Variants in ASNS observed in about 807,000 individuals in gnomAD.
The protein encoded by ASNS is asparagine synthetase [glutamine-hydrolyzing].
ASNS carries 37 observed loss-of-function variants against 62.6 expected under a neutral mutation model. That is an observed-to-expected ratio of 0.59 (90% CI 0.45 to 0.78). The LOEUF (loss-of-function observed/expected upper bound fraction) is 0.78. Ranked by LOEUF, ASNS falls within the 30% of genes least tolerant of loss-of-function variation. The pLI is 0.00. For synonymous variants in ASNS, 207 were observed against 237.9 expected, an observed-to-expected ratio of 0.87 and a Z score of 1.19; for missense variants, 520 against 682.4, an observed-to-expected ratio of 0.76 and a Z score of 2.65.
chr7:97,885,524 T>A, the ASNS span, among the ~76,000 whole-genome samples: 1 of 152,246 alleles, frequency 6.6e-6, no homozygotes, highest in East Asian at 1.9e-4. Flanking sequence ...CATTTATACA[T>A]TCTCTTTAAG....
At chr7:97,856,449 G>A (rs1224869232) in intron 8 of ASNS, among the ~76,000 whole-genome samples, 3 of 152,078 alleles carry the variant, frequency 2.0e-5, no homozygotes, top group Non-Finnish European at 4.4e-5. Context: ...TGCTCCCTGG[G>A]GAAACACCAA....
rs1791582362 is a variant in ASNS at position 97,858,865 on chromosome 7, C to G, written c.764G>C (p.Cys255Ser). The part of the protein sequence containing the change: ...KRLMTDRRIG[C>S]LLSGGLDSSL... ...TTAATTGACTTCACCTGATAAAAGG[C>G]AGCCAATCCTTCTGTCTGTCATCAA... is the stretch of plus-strand genomic sequence containing the variant. Residue 255 changes from cysteine (C) to serine (S), a missense_variant, in exon 6 of 13, where the codon TGC (cysteine) becomes TCC (serine). Coordinates refer to ENST00000394308, the MANE Select transcript of ASNS (RefSeq NM_001673.5). 1 of 1,611,468 alleles carries G rather than the reference C, an allele frequency of 6.2e-7. No homozygotes were observed. Among genetic ancestry groups the G allele is most frequent in the African/African-American group, 1.3e-5 (1 of 74,870 alleles).
At chr7:97,885,733 A>G in the ASNS span, 7 of 221,252 alleles carry the variant, frequency 3.2e-5, no homozygotes, top group African/African-American at 1.6e-4. Context: ...ATAATATCAC[A>G]GATTTAAACA....
chr7:97,852,234 T>C lies in ASNS; in HGVS notation c.*25A>G. 1 of 1,611,926 alleles carries C rather than the reference T, an allele frequency of 6.2e-7. No individual in the cohort carries two copies. Among genetic ancestry groups the C allele is most frequent in the Non-Finnish European group, 8.5e-7 (1 of 1,178,400 alleles). ...CCATCCAACACGAAGAAATATTTGC[T>C]TTCACATTACAGCATAAAGACCACC... On this transcript the variant is annotated 3_prime_UTR_variant, in exon 13 of 13. Transcript: ENST00000394308.
At chr7:97,917,507 C>T in the ASNS span, among the ~76,000 whole-genome samples, 4 of 152,308 alleles carry the variant, frequency 2.6e-5, no homozygotes, top group Middle Eastern at 3.4e-3. Flanking sequence ...CCTAATGAAG[C>T]AGGATGCTGA....
At chr7:97,895,600 C>T in the ASNS span, among the ~76,000 whole-genome samples, 3 of 152,072 alleles carry the variant, frequency 2.0e-5, no homozygotes, top group African/African-American at 7.2e-5. Context: ...TTGAGACCAG[C>T]GTGGCCAACA....
chr7:97,922,693 A>G, the ASNS span, among the ~76,000 whole-genome samples: 13 of 152,374 alleles, frequency 8.5e-5, no homozygotes, highest in Admixed American at 5.2e-4. Context: ...CCTCTTGTAC[A>G]TAATTTTTGT....
the ASNS span, among the ~76,000 whole-genome samples, chr7:97,877,606 G>A: frequency 6.6e-6 from 1 of 152,082 alleles, no homozygotes; most frequent in African/African-American, 2.4e-5. Context: ...TCAGTTTGTG[G>A]ACTGAATTCA....
chr7:97,884,561 C>T, the ASNS span, among the ~76,000 whole-genome samples: 2 of 152,016 alleles, frequency 1.3e-5, no homozygotes, highest in African/African-American at 4.8e-5. Flanking sequence ...AAAAAAAAGT[C>T]CCTTAAATCT....
At chr7:97,859,043 T>G in intron 5 of ASNS, 88 bp from the exon 6 acceptor site, 3 of 1,403,084 alleles carry the variant, frequency 2.1e-6, no homozygotes, top group Non-Finnish European at 2.0e-6. Flanking sequence ...TCAACATCTA[T>G]CATGATGGTA....
the ASNS span, among the ~76,000 whole-genome samples, chr7:97,917,529 C>T: frequency 6.6e-6 from 1 of 152,234 alleles, no homozygotes; most frequent in South Asian, 2.1e-4. Context: ...CTGCACTTCC[C>T]CAGCTCAGCC....
chr7:97,870,160 T>A (rs996784959), intron 1 of ASNS: 3 of 853,064 alleles, frequency 3.5e-6, no homozygotes, highest in African/African-American at 3.5e-5. Flanking sequence ...AAATGACACA[T>A]TGCACCATGT....
the ASNS span, among the ~76,000 whole-genome samples, chr7:97,896,741 CATATATATATAT>C: frequency 4.7e-3 from 92 of 19,782 alleles, 4 homozygotes; most frequent in African/African-American, 5.1e-3. Flanking sequence ...CACACACACA[CATATATATATAT>C]ATATATATAT....
the ASNS span, among the ~76,000 whole-genome samples, chr7:97,883,845 G>A: frequency 6.6e-6 from 1 of 151,988 alleles, no homozygotes; most frequent in Non-Finnish European, 1.5e-5. Flanking sequence ...AAAATTAGCC[G>A]GGCGTGGTGG....
chr7:97,903,910 A>G, the ASNS span, among the ~76,000 whole-genome samples: 3 of 152,298 alleles, frequency 2.0e-5, no homozygotes, highest in Admixed American at 1.3e-4. Context: ...AGTACAGGAT[A>G]TATCTAAGGG....
upstream of ASNS, among the ~76,000 whole-genome samples, chr7:97,875,463 G>A (rs916425393): frequency 6.6e-6 from 1 of 152,186 alleles, no homozygotes; most frequent in African/African-American, 2.4e-5. Flanking sequence ...TCTTGGTCAC[G>A]TTGCATGTCT....
intron 4 of ASNS, among the ~76,000 whole-genome samples, chr7:97,860,043 C>T (rs532714291): frequency 3.2e-4 from 48 of 152,214 alleles, no homozygotes; most frequent in African/African-American, 1.1e-3. Context: ...TATTGTAGAT[C>T]GTAATGGACT....
the ASNS span, among the ~76,000 whole-genome samples, chr7:97,894,408 A>C: frequency 6.6e-6 from 1 of 151,030 alleles, no homozygotes; most frequent in Admixed American, 6.6e-5. Flanking sequence ...AAAGAAATGC[A>C]AAGAATCAAC....
chr7:97,898,568 G>T, the ASNS span: 2 of 597,732 alleles, frequency 3.3e-6, no homozygotes, highest in South Asian at 3.4e-5. Flanking sequence ...TCAATTTATT[G>T]ACCACTTCTT....
Sources: gnomAD v4.1 joint callset for allele counts (sites outside exome capture counted in the v4.1 genomes callset) on GRCh38, gnomAD v4.1.1 for gene constraint, MANE v1.5 for transcripts, NCBI Gene and HGNC (gene_info 2026-07-23, HGNC 2026-07-21) for gene names.